DAW1: variants seen among roughly 807,000 people sequenced by gnomAD.
DAW1 encodes the protein dynein assembly factor with WD repeat domains 1.
In DAW1, 47 loss-of-function variants were observed where a neutral mutation model predicts 56.5. The observed-to-expected ratio is 0.83, with a 90% CI of 0.66 to 1.06. DAW1 has a LOEUF of 1.06. DAW1 is among the 50% of genes least tolerant of loss of function. DAW1 has a pLI of 0.00. For synonymous variants in DAW1, 190 were observed against 179.0 expected (o/e 1.06, Z -0.49); for missense variants, 505 against 499.3 (o/e 1.01, Z -0.11).
chr2:227,882,771 G>A (rs1691040128), intron 1 of DAW1, among the ~76,000 whole-genome samples: 1 of 152,212 alleles, frequency 6.6e-6, no homozygotes, highest in Non-Finnish European at 1.5e-5. Flanking sequence ...TAGTGAGTGA[G>A]TTCTCACAAG....
intron 8 of DAW1, 84 bp from the exon 9 acceptor site, chr2:227,906,152 C>A: frequency 9.6e-7 from 1 of 1,046,828 alleles, no homozygotes; most frequent in Admixed American, 2.1e-5. Flanking sequence ...GATTAGCTTA[C>A]ACAGATGGGC....
At chr2:227,911,280 G>T (rs1463253746) in intron 10 of DAW1, among the ~76,000 whole-genome samples, 7 of 139,198 alleles carry the variant, frequency 5.0e-5, no homozygotes, top group Admixed American at 2.8e-4. Context: ...ATATACACGT[G>T]TATATATACA....
At chr2:227,913,962 AT>A (rs1167764992) in intron 10 of DAW1, among the ~76,000 whole-genome samples, 6 of 147,386 alleles carry the variant, frequency 4.1e-5, no homozygotes, top group African/African-American at 1.2e-4. Flanking sequence ...TATCTAATCT[AT>A]TGAGAGAGAG....
intron 1 of DAW1, chr2:227,872,463 G>T (rs1430559131): frequency 6.6e-6 from 1 of 152,080 alleles, no homozygotes; most frequent in Non-Finnish European, 1.5e-5. Flanking sequence ...TGAATTTCAG[G>T]TTGAATATCT....
intron 10 of DAW1, among the ~76,000 whole-genome samples, chr2:227,909,717 C>T (rs995202472): frequency 6.6e-6 from 1 of 152,020 alleles, no homozygotes; most frequent in Non-Finnish European, 1.5e-5. Context: ...ACCAGAAGCT[C>T]GATGACCGAG....
At chr2:227,903,331 A>T (rs1004795239) in intron 7 of DAW1, among the ~76,000 whole-genome samples, 6 of 152,178 alleles carry the variant, frequency 3.9e-5, no homozygotes, top group African/African-American at 1.2e-4. Flanking sequence ...TCTGCAAAAC[A>T]CATAAACTAT....
intron 12 of DAW1, among the ~76,000 whole-genome samples, chr2:227,922,232 C>T (rs1692126800): frequency 6.6e-6 from 1 of 152,254 alleles, no homozygotes; most frequent in Non-Finnish European, 1.5e-5. Flanking sequence ...GTTGGCTTTA[C>T]AGCCCATTAG....
At chr2:227,909,894 T>G (rs1691775741) in intron 10 of DAW1, among the ~76,000 whole-genome samples, 1 of 152,130 alleles carries the variant, frequency 6.6e-6, no homozygotes, top group Non-Finnish European at 1.5e-5. Flanking sequence ...AGAAACAATG[T>G]TTTACCAGCC....
intron 10 of DAW1, among the ~76,000 whole-genome samples, chr2:227,908,789 C>T (rs1347645086): frequency 1.3e-5 from 2 of 152,200 alleles, no homozygotes; most frequent in African/African-American, 4.8e-5. Flanking sequence ...ATATGTGATG[C>T]TATACTAAGT....
Position 227,871,732 on chromosome 2 carries a change from A to G in DAW1, c.40+3A>G, listed in dbSNP as rs1475268195. On this transcript the variant is annotated splice_donor_region_variant and intron_variant, in intron 1 of 12. Coordinates refer to ENST00000309931, the MANE Select transcript of DAW1 (RefSeq NM_178821.3). Reference sequence around the variant, plus strand: ...CCTGCTCCGGTATTACCCGCCAGGTACGCACCAGCCCGGCCCCGTCATCCC... The same window carrying G: ...CCTGCTCCGGTATTACCCGCCAGGTGCGCACCAGCCCGGCCCCGTCATCCC... 6.2e-7 allele frequency: 1 copy of G among 1,613,952 alleles called. No homozygotes were observed. Among genetic ancestry groups the G allele is most frequent in the Non-Finnish European group, 8.5e-7 (1 of 1,179,936 alleles).
intron 10 of DAW1, 79 bp downstream of exon 10, chr2:227,907,331 G>C: frequency 8.6e-7 from 1 of 1,168,924 alleles, no homozygotes; most frequent in Non-Finnish European, 1.2e-6. Context: ...CTACACTATG[G>C]GTCATTTCTT....
At chr2:227,904,456 C>G (rs578132527) in intron 7 of DAW1, among the ~76,000 whole-genome samples, 1 of 152,068 alleles carries the variant, frequency 6.6e-6, no homozygotes, top group Non-Finnish European at 1.5e-5. Context: ...ATTTATCAAT[C>G]GATTTCATGT....
chr2:227,919,488 G>A (rs1166246826), intron 11 of DAW1, among the ~76,000 whole-genome samples: 2 of 152,130 alleles, frequency 1.3e-5, no homozygotes, highest in East Asian at 3.8e-4. Context: ...CCTGGTTCCG[G>A]TAAACACATA....
Position 227,882,262 on chromosome 2 carries a change from A to G in DAW1, c.41-3089A>G, listed in dbSNP as rs1020192350. On this transcript the variant is annotated intron_variant, in intron 1 of 12. Transcript: ENST00000309931. ...GGTCTCAAGGTCAAACTTATTTTTC[A>G]TAATAACAATAAGATGTTACTTCCT... 7.9e-5 allele frequency among the ~76,000 whole-genome samples: 12 copies of G among 152,356 alleles called. No homozygotes were observed. The East Asian group carries it at 1.7e-3, about 22-fold the overall frequency.
chr2:227,900,399 G>A (rs1272078337), intron 6 of DAW1, among the ~76,000 whole-genome samples: 1 of 152,102 alleles, frequency 6.6e-6, no homozygotes, highest in Non-Finnish European at 1.5e-5. Flanking sequence ...ACTATGTGTG[G>A]AGCCCTGGCC....
chr2:227,906,162 C>A, intron 8 of DAW1, 74 bp from the exon 9 acceptor site: 1 of 1,183,354 alleles, frequency 8.5e-7, no homozygotes, highest in South Asian at 1.4e-5. Context: ...CACAGATGGG[C>A]TTGGCCTCAT....
intron 5 of DAW1, among the ~76,000 whole-genome samples, chr2:227,896,072 A>G (rs1463281414): frequency 6.6e-6 from 1 of 152,212 alleles, no homozygotes; most frequent in Non-Finnish European, 1.5e-5. Flanking sequence ...CTTTCAAAAC[A>G]TGTTAATTGT....
chr2:227,904,871 C>T (rs1430756654), intron 7 of DAW1, 58 bp from the exon 8 acceptor site: 10 of 1,471,656 alleles, frequency 6.8e-6, no homozygotes, highest in Middle Eastern at 1.8e-4. Context: ...TGATATTGTA[C>T]GCTTGCAGAA....
chr2:227,914,988 C>T (rs536101056), intron 10 of DAW1, among the ~76,000 whole-genome samples: 1 of 152,112 alleles, frequency 6.6e-6, no homozygotes, highest in South Asian at 2.1e-4. Flanking sequence ...GACTTTTTCA[C>T]CTCCTTGAGA....
Sources: allele counts gnomAD v4.1 joint callset (sites outside exome capture counted in the v4.1 genomes callset), GRCh38; gene constraint gnomAD v4.1.1; transcripts MANE v1.5; gene names NCBI Gene and HGNC (gene_info 2026-07-23, HGNC 2026-07-21).